EMCN: variants seen among roughly 807,000 people sequenced by gnomAD.
The protein encoded by EMCN is MUC-14.
Under a neutral mutation model 38.4 loss-of-function variants are expected in EMCN, and 37 were observed. That is an observed-to-expected ratio of 0.96 (90% CI 0.74 to 1.27). EMCN has a LOEUF of 1.27. Ranked by LOEUF, EMCN falls within the 50% of genes most tolerant of loss-of-function variation. EMCN has a pLI of 0.00. For missense variants in EMCN, 318 were observed against 302.8 expected, an observed-to-expected ratio of 1.05 and a Z score of -0.37; for synonymous variants, 95 against 100.8, an observed-to-expected ratio of 0.94 and a Z score of 0.35.
At chr4:100,488,879 T>A (rs72910807) in intron 1 of EMCN, among the ~76,000 whole-genome samples, 3,246 of 152,304 alleles carry the variant, frequency 0.021, 113 homozygotes, top group African/African-American at 0.074. Context: ...TATTTTTACC[T>A]TCTAAAAAAT....
chr4:100,469,942 T>C (rs766709261), intron 3 of EMCN, among the ~76,000 whole-genome samples: 8 of 151,892 alleles, frequency 5.3e-5, no homozygotes, highest in Non-Finnish European at 8.9e-5. Context: ...AGATTTTCAA[T>C]GTTAGTTTAA....
intron 2 of EMCN, among the ~76,000 whole-genome samples, chr4:100,475,843 A>C (rs1397879693): frequency 2.0e-5 from 3 of 151,460 alleles, no homozygotes; most frequent in Non-Finnish European, 4.4e-5. Flanking sequence ...ACGCCCGGCT[A>C]ATTTTTTTGT....
chr4:100,488,991 C>G (rs1196171409), intron 1 of EMCN, among the ~76,000 whole-genome samples: 1 of 152,078 alleles, frequency 6.6e-6, no homozygotes, highest in Non-Finnish European at 1.5e-5. Context: ...ACAATAATTA[C>G]TTTTATTTAC....
intron 4 of EMCN, among the ~76,000 whole-genome samples, chr4:100,454,552 T>C (rs578100726): frequency 2.6e-4 from 40 of 152,268 alleles, no homozygotes; most frequent in African/African-American, 9.4e-4. Context: ...ATCTTATTTT[T>C]TTAGCAAGAA....
At chr4:100,401,787 A>G (rs1416150588) in intron 11 of EMCN, among the ~76,000 whole-genome samples, 1 of 152,106 alleles carries the variant, frequency 6.6e-6, no homozygotes. Flanking sequence ...CTAACACCAC[A>G]GTTCTTCACT....
intron 11 of EMCN, among the ~76,000 whole-genome samples, chr4:100,409,700 T>C (rs966173563): frequency 6.6e-6 from 1 of 152,166 alleles, no homozygotes; most frequent in Non-Finnish European, 1.5e-5. Context: ...GAGGTGTTTT[T>C]TTCCACACAT....
chr4:100,495,815 T>C (rs1729192732), intron 1 of EMCN, among the ~76,000 whole-genome samples: 1 of 152,134 alleles, frequency 6.6e-6, no homozygotes. Flanking sequence ...TACTTGATTT[T>C]AGGCCCTCAA....
At chr4:100,415,574 A>G (rs1162838238) in intron 10 of EMCN, among the ~76,000 whole-genome samples, 1 of 152,196 alleles carries the variant, frequency 6.6e-6, no homozygotes, top group Non-Finnish European at 1.5e-5. Context: ...CCAAAATGAA[A>G]CAAAACAACA....
chr4:100,507,304 C>T (rs536355483), intron 1 of EMCN, among the ~76,000 whole-genome samples: 2 of 152,264 alleles, frequency 1.3e-5, no homozygotes, highest in African/African-American at 4.8e-5. Context: ...GATTTCAGCA[C>T]TTTGACTAAT....
At chr4:100,474,298 T>G (rs1313535656) in intron 3 of EMCN, among the ~76,000 whole-genome samples, 1 of 152,100 alleles carries the variant, frequency 6.6e-6, no homozygotes, top group Non-Finnish European at 1.5e-5. Context: ...GAAATATAAC[T>G]CAGAGTCACA....
chr4:100,468,758 GA>G (rs1369169507), intron 3 of EMCN, among the ~76,000 whole-genome samples: 2 of 151,728 alleles, frequency 1.3e-5, no homozygotes, highest in African/African-American at 4.8e-5. Context: ...ACAAATAAAT[GA>G]AAAGATATCC....
intron 5 of EMCN, among the ~76,000 whole-genome samples, chr4:100,433,814 G>A (rs528753184): frequency 2.0e-5 from 3 of 152,122 alleles, no homozygotes; most frequent in South Asian, 2.1e-4. Context: ...GGGATTACAG[G>A]TGTGAGCCAC....
chr4:100,493,504 C>T (rs1346660690), intron 1 of EMCN, among the ~76,000 whole-genome samples: 2 of 152,202 alleles, frequency 1.3e-5, no homozygotes, highest in African/African-American at 2.4e-5. Context: ...GCAGAGTTTA[C>T]ACCAGGGATC....
At chr4:100,400,353 ATT>A (rs3214622) in intron 11 of EMCN, among the ~76,000 whole-genome samples, 15 of 146,814 alleles carry the variant, frequency 1.0e-4, no homozygotes, top group African/African-American at 2.5e-4. Context: ...CCTAGGCCAC[ATT>A]TTTTTTTTTT....
intron 5 of EMCN, among the ~76,000 whole-genome samples, chr4:100,443,849 TG>T (rs1260835206): frequency 6.6e-6 from 1 of 152,048 alleles, no homozygotes; most frequent in East Asian, 1.9e-4. Context: ...TGGCACAGCT[TG>T]GTAGAAAAAG....
chr4:100,440,126 A>G (rs1727469809), intron 5 of EMCN, among the ~76,000 whole-genome samples: 1 of 152,186 alleles, frequency 6.6e-6, no homozygotes, highest in Non-Finnish European at 1.5e-5. Flanking sequence ...AGCTCTGTAT[A>G]TGTCTGTTAG....
At chr4:100,474,538 C>T (rs1398559673) in intron 3 of EMCN, among the ~76,000 whole-genome samples, 1 of 152,182 alleles carries the variant, frequency 6.6e-6, no homozygotes, top group African/African-American at 2.4e-5. Context: ...CAGACAAAAA[C>T]TTGCACATAA....
At chr4:100,449,951 G>T (rs570772574) in intron 4 of EMCN, among the ~76,000 whole-genome samples, 9 of 151,946 alleles carry the variant, frequency 5.9e-5, no homozygotes, top group Admixed American at 1.3e-4. Context: ...AAATGATAAA[G>T]TGTTTTTACA....
At chr4:100,463,674 G>T (rs1045599262) in intron 4 of EMCN, among the ~76,000 whole-genome samples, 8 of 152,082 alleles carry the variant, frequency 5.3e-5, no homozygotes, top group African/African-American at 1.9e-4. Flanking sequence ...ATCTCCAGCT[G>T]CAGGCAACCA....
Sources: gnomAD v4.1 joint callset for allele counts (sites outside exome capture counted in the v4.1 genomes callset) on GRCh38, gnomAD v4.1.1 for gene constraint, MANE v1.5 for transcripts, NCBI Gene and HGNC (gene_info 2026-07-23, HGNC 2026-07-21) for gene names.